Variants in BLTP1 observed in about 807,000 individuals in gnomAD.
BLTP1 encodes fragile site-associated protein.
chr4:122,184,913 C>T, the BLTP1 span: 3 of 984,422 alleles, frequency 3.0e-6, no homozygotes, highest in Non-Finnish European at 3.6e-6. Flanking sequence ...CCCTAATATT[C>T]TGATTTCATT....
the BLTP1 span, among the ~76,000 whole-genome samples, chr4:122,211,662 G>A: frequency 6.6e-6 from 1 of 152,142 alleles, no homozygotes; most frequent in Non-Finnish European, 1.5e-5. Flanking sequence ...CAAAGAACAA[G>A]TGTTGACTCA....
the BLTP1 span, chr4:122,185,067 T>C: frequency 0.068 from 66,889 of 984,890 alleles, 2,472 homozygotes; most frequent in Middle Eastern, 0.076. Context: ...AGTGAAGTAA[T>C]AGTGAAATCT....
At chr4:122,238,912 G>A in the BLTP1 span, among the ~76,000 whole-genome samples, 1 of 151,874 alleles carries the variant, frequency 6.6e-6, no homozygotes. Context: ...TAACTGTTTG[G>A]TTTCAATTAT....
chr4:122,336,131 A>T, the BLTP1 span: 1 of 1,381,470 alleles, frequency 7.2e-7, no homozygotes, highest in Non-Finnish European at 9.8e-7. Context: ...ATATAATTCA[A>T]ATTTCTGTTT....
chr4:122,175,457 C>G, the BLTP1 span, among the ~76,000 whole-genome samples: 1 of 152,076 alleles, frequency 6.6e-6, no homozygotes, highest in East Asian at 1.9e-4. Flanking sequence ...ATTTTTTTCC[C>G]TCTCTCCTGT....
the BLTP1 span, chr4:122,227,793 A>T: frequency 1.3e-5 from 2 of 151,960 alleles, no homozygotes; most frequent in Non-Finnish European, 1.5e-5. Context: ...GCTCCACAGA[A>T]TTGGTTCCTT....
the BLTP1 span, chr4:122,336,730 C>G: frequency 7.1e-6 from 9 of 1,275,938 alleles, no homozygotes; most frequent in Non-Finnish European, 9.3e-6. Flanking sequence ...GAGGTGCGAA[C>G]AGGGAAAAAC....
the BLTP1 span, among the ~76,000 whole-genome samples, chr4:122,280,896 G>T: frequency 6.6e-6 from 1 of 152,164 alleles, no homozygotes; most frequent in East Asian, 1.9e-4. Flanking sequence ...GGAATCCAGA[G>T]TGTATACTTA....
chr4:122,237,981 C>CAAAAA, the BLTP1 span: 1,119 of 785,364 alleles, frequency 1.4e-3, 9 homozygotes, highest in African/African-American at 0.022. Context: ...GACTCCATCT[C>CAAAAA]AAAAAAAAAA....
At chr4:122,257,563 C>T in the BLTP1 span, 59 of 1,392,280 alleles carry the variant, frequency 4.2e-5, no homozygotes, top group Non-Finnish European at 3.2e-5. Context: ...TCTTACTCAA[C>T]ACAATTACTG....
At chr4:122,212,092 T>C in the BLTP1 span, 1 of 984,122 alleles carries the variant, frequency 1.0e-6, no homozygotes, top group Non-Finnish European at 1.2e-6. Flanking sequence ...CTAGGATGTT[T>C]AGGGTTGGAC....
chr4:122,267,202 G>A, the BLTP1 span, among the ~76,000 whole-genome samples: 39 of 151,678 alleles, frequency 2.6e-4, no homozygotes, highest in African/African-American at 9.0e-4. Flanking sequence ...GGGACCACAA[G>A]CGCCTGCCAC....
At chr4:122,290,148 T>C in the BLTP1 span, among the ~76,000 whole-genome samples, 63 of 152,308 alleles carry the variant, frequency 4.1e-4, no homozygotes, top group Admixed American at 7.8e-4. Flanking sequence ...GGGCTGGTTC[T>C]GGTTGTATCT....
the BLTP1 span, among the ~76,000 whole-genome samples, chr4:122,168,560 A>G: frequency 1.3e-5 from 2 of 152,228 alleles, no homozygotes; most frequent in South Asian, 4.1e-4. Context: ...AGTTTTTTTC[A>G]AAGTATTTGC....
the BLTP1 span, chr4:122,289,412 C>T: frequency 1.3e-6 from 1 of 785,016 alleles, no homozygotes; most frequent in Non-Finnish European, 1.5e-6. Context: ...TCATAAACTT[C>T]AGAAAGCTCC....
chr4:122,355,836 G>A, the BLTP1 span: 1 of 1,610,580 alleles, frequency 6.2e-7, no homozygotes, highest in East Asian at 2.2e-5. Flanking sequence ...ACAACACTGA[G>A]AATAGCACTA....
At chr4:122,254,607 C>CT in the BLTP1 span, 4,150 of 732,534 alleles carry the variant, frequency 5.7e-3, no homozygotes, top group Non-Finnish European at 6.2e-3. Flanking sequence ...CTCTGACAGG[C>CT]TTTTTTTTTT....
chr4:122,345,005 T>A, the BLTP1 span: 2 of 985,014 alleles, frequency 2.0e-6, no homozygotes, highest in Non-Finnish European at 2.4e-6. Context: ...AGTCATTTCC[T>A]TTACATTGCG....
At chr4:122,246,052 G>A in the BLTP1 span, 9 of 1,295,540 alleles carry the variant, frequency 6.9e-6, no homozygotes, top group Non-Finnish European at 8.0e-6. Context: ...CTGGCACATA[G>A]ATAGGCATAG....
Sources: allele counts gnomAD v4.1 joint callset (sites outside exome capture counted in the v4.1 genomes callset), GRCh38; gene constraint gnomAD v4.1.1; transcripts MANE v1.5; gene names NCBI Gene and HGNC (gene_info 2026-07-23, HGNC 2026-07-21).